Variants in FCHO2 observed in about 807,000 individuals in gnomAD.
FCHO2 encodes the protein FCH and mu domain containing endocytic adaptor 2.
In FCHO2, 43 loss-of-function variants were observed where a neutral mutation model predicts 114.1. The ratio of observed to expected loss-of-function variants is 0.38; its 90% CI spans 0.30 to 0.49. The LOEUF is 0.49. FCHO2 is among the 20% of genes least tolerant of loss of function. FCHO2 has a pLI of 0.97. For synonymous variants in FCHO2, 293 were observed against 315.2 expected (o/e 0.93, Z 0.75); for missense variants, 807 against 950.4 (o/e 0.85, Z 1.98).
At chr5:73,038,400 A>G (rs1428780556) in intron 10 of FCHO2, among the ~76,000 whole-genome samples, 2 of 152,216 alleles carry the variant, frequency 1.3e-5, no homozygotes, top group South Asian at 2.1e-4. Context: ...CTTTCTTTCA[A>G]TGATTACTCA....
chr5:72,956,058 G>GGCGGGC lies in FCHO2; in HGVS notation c.-34_-29dup, dbSNP rs746332434. ...GCCGGGCCGTGTTTACACAGCGGCG[G>GGCGGGC]GCGGGCGCGGACGCGGAACCCGGCG... On this transcript the variant is annotated 5_prime_UTR_variant, in exon 1 of 26. Transcript: ENST00000430046. The GGCGGGC allele has an allele frequency of 2.6e-4, 406 of 1,539,360 alleles. 4 individuals are homozygous for GGCGGGC. In the South Asian group the frequency reaches 3.2e-3, roughly 12 times the overall value.
At chr5:73,006,038 C>T (rs982719605) in intron 5 of FCHO2, among the ~76,000 whole-genome samples, 57 of 152,130 alleles carry the variant, frequency 3.7e-4, no homozygotes, top group African/African-American at 1.3e-3. Flanking sequence ...GGAAAATTCA[C>T]AGCTGCGAAA....
intron 11 of FCHO2, among the ~76,000 whole-genome samples, chr5:73,048,697 A>C (rs1757186237): frequency 6.6e-6 from 1 of 152,052 alleles, no homozygotes; most frequent in South Asian, 2.1e-4. Context: ...AAATTTCTAG[A>C]AATGGGATTC....
intron 22 of FCHO2, among the ~76,000 whole-genome samples, chr5:73,078,626 C>T (rs573228699): frequency 6.6e-6 from 1 of 152,268 alleles, no homozygotes; most frequent in Non-Finnish European, 1.5e-5. Flanking sequence ...CAAAGATGCC[C>T]ATTAGTAGAT....
At chr5:72,963,136 G>C (rs1357630887) in intron 1 of FCHO2, among the ~76,000 whole-genome samples, 1 of 152,178 alleles carries the variant, frequency 6.6e-6, no homozygotes, top group Non-Finnish European at 1.5e-5. Context: ...CATGCTCCCT[G>C]ATGTATTTGA....
At chr5:72,987,802 C>T (rs1225251101) in intron 2 of FCHO2, among the ~76,000 whole-genome samples, 1 of 152,162 alleles carries the variant, frequency 6.6e-6, no homozygotes, top group Non-Finnish European at 1.5e-5. Flanking sequence ...GAAAGAGTCA[C>T]AGTACTATCA....
chr5:72,959,373 T>A (rs1751729097), intron 1 of FCHO2, among the ~76,000 whole-genome samples: 1 of 152,016 alleles, frequency 6.6e-6, no homozygotes, highest in Non-Finnish European at 1.5e-5. Context: ...CCAAGTGTGG[T>A]GGCATATGCC....
At chr5:72,971,782 A>G (rs1459973654) in intron 2 of FCHO2, among the ~76,000 whole-genome samples, 1 of 152,194 alleles carries the variant, frequency 6.6e-6, no homozygotes, top group Admixed American at 6.6e-5. Flanking sequence ...GCCCATGCCT[A>G]TGTCCTGAAT....
At chr5:73,041,342 C>T in intron 11 of FCHO2, 27 bp downstream of exon 11, 1 of 1,390,088 alleles carries the variant, frequency 7.2e-7, no homozygotes, top group Non-Finnish European at 1.0e-6. Flanking sequence ...TTGATATAAA[C>T]AATTTAAATT....
chr5:73,000,535 G>A (rs1200578740), intron 5 of FCHO2, among the ~76,000 whole-genome samples: 1 of 150,214 alleles, frequency 6.7e-6, no homozygotes, highest in Admixed American at 6.6e-5. Context: ...CAGCACTTTA[G>A]GAGGCCAAAG....
At chr5:72,999,291 C>A (rs139077214) in intron 5 of FCHO2, among the ~76,000 whole-genome samples, 41 of 146,786 alleles carry the variant, frequency 2.8e-4, no homozygotes, top group African/African-American at 9.5e-4. Flanking sequence ...AGTCATAGAT[C>A]TTTGAATAAT....
intron 1 of FCHO2, among the ~76,000 whole-genome samples, chr5:72,967,938 T>G (rs1752290770): frequency 6.6e-6 from 1 of 151,406 alleles, no homozygotes; most frequent in African/African-American, 2.4e-5. Context: ...AATTTTTTTT[T>G]TTTTGAGATG....
Position 73,028,646 on chromosome 5 carries a change from C to CTTTT in FCHO2, c.797-5993_797-5990dup, listed in dbSNP as rs1177312773. ...AAATAAGAATACATATTATATGATT[C>CTTTT]TTTTTTTTTTTTTTTTTTTTTGTGA... On this transcript the variant is annotated intron_variant, in intron 8 of 25. Coordinates refer to ENST00000430046, the MANE Select transcript of FCHO2 (RefSeq NM_138782.3). Among the ~76,000 whole-genome samples, 876 of 112,220 alleles carry CTTTT rather than the reference C, an allele frequency of 7.8e-3. 3 individuals carry two copies. The highest frequency in any genetic ancestry group is 0.013 in the East Asian group (43 of 3,412). 73.6% of individuals were successfully genotyped at this position (112,220 alleles called of 152,430 possible). A position where few individuals can be genotyped will look rare whatever the true frequency, so the allele number is the denominator to read the frequency against.
At chr5:73,070,557 C>T (rs1038286397) in intron 19 of FCHO2, among the ~76,000 whole-genome samples, 37 of 145,638 alleles carry the variant, frequency 2.5e-4, no homozygotes, top group East Asian at 6.0e-4. Context: ...ACCTTATTTT[C>T]GCTTTAGGTT....
chr5:73,024,590 C>G (rs1755815774), intron 8 of FCHO2, among the ~76,000 whole-genome samples: 1 of 152,020 alleles, frequency 6.6e-6, no homozygotes, highest in Admixed American at 6.6e-5. Context: ...AGGTGCCCAC[C>G]ACCACACCTG....
intron 17 of FCHO2, among the ~76,000 whole-genome samples, chr5:73,059,954 AT>A (rs1487952135): frequency 2.0e-5 from 3 of 152,054 alleles, no homozygotes; most frequent in African/African-American, 7.2e-5. Context: ...TTTTGTTAAT[AT>A]CCCCTTATGA....
At chr5:73,006,615 C>A in intron 6 of FCHO2, 66 bp downstream of exon 6, 1 of 1,108,422 alleles carries the variant, frequency 9.0e-7, no homozygotes, top group South Asian at 2.0e-5. Flanking sequence ...ATTAATTTTT[C>A]TCTCATATAA....
chr5:73,024,827 T>C (rs1755830949), intron 8 of FCHO2, among the ~76,000 whole-genome samples: 1 of 152,320 alleles, frequency 6.6e-6, no homozygotes, highest in Middle Eastern at 3.4e-3. Context: ...GAGATTTACA[T>C]GAGATAGTCT....
intron 15 of FCHO2, chr5:73,054,952 CT>C (rs2112843873): frequency 5.8e-6 from 1 of 173,890 alleles, no homozygotes; most frequent in East Asian, 1.5e-4. Flanking sequence ...AAAAATTATA[CT>C]AAAAACTTTT....
Sources: allele counts gnomAD v4.1 joint callset (sites outside exome capture counted in the v4.1 genomes callset), GRCh38; gene constraint gnomAD v4.1.1; transcripts MANE v1.5; gene names NCBI Gene and HGNC (gene_info 2026-07-23, HGNC 2026-07-21).